Variants in NEK10 observed in about 807,000 individuals in gnomAD.
NEK10 encodes the protein NIMA related kinase 10.
In NEK10, 122 loss-of-function variants were observed where a neutral mutation model predicts 159.8. The ratio of observed to expected loss-of-function variants is 0.76; its 90% CI spans 0.66 to 0.89. The LOEUF is 0.89. Among genes scored for constraint, NEK10 ranks in the 40% least tolerant of loss-of-function variants. NEK10 has a pLI of 0.00. For missense variants in NEK10, 1,342 were observed against 1,323.1 expected (o/e 1.01, Z -0.22); for synonymous variants, 466 against 457.1 (o/e 1.02, Z -0.25).
chr3:27,171,965 A>T lies in NEK10; in HGVS notation c.2777-92T>A, dbSNP rs553183651. On this transcript the variant is annotated intron_variant, in intron 28 of 35. Coordinates refer to ENST00000691995, the MANE Select transcript of NEK10 (RefSeq NM_001394966.1). ...AATAAAACAATACTGAACAACAAAT[A>T]CTGGTGAAGATGCAGAGAAAAGGGA... 5.1e-5 allele frequency: 67 copies of T among 1,319,196 alleles called. 2 individuals are homozygous for T. The South Asian group carries it at 8.8e-4, about 17-fold the overall frequency. 81.7% of individuals were successfully genotyped at this position (1,319,196 alleles called of 1,614,324 possible). A position where few individuals can be genotyped will look rare whatever the true frequency, so the allele number is the denominator to read the frequency against.
At chr3:27,308,821 G>A (rs2044447779) in intron 10 of NEK10, 105 bp downstream of exon 10, 1 of 476,616 alleles carries the variant, frequency 2.1e-6, no homozygotes, top group Non-Finnish European at 3.8e-6. Flanking sequence ...TATTTATCAA[G>A]AAATTGTATT....
At chr3:27,310,721 G>C (rs889935597) in intron 9 of NEK10, 1 of 396,536 alleles carries the variant, frequency 2.5e-6, no homozygotes. Flanking sequence ...AAATGGCATA[G>C]GAAAAAAAAG....
intron 26 of NEK10, among the ~76,000 whole-genome samples, chr3:27,181,197 T>A (rs1948065812): frequency 1.3e-5 from 2 of 152,136 alleles, no homozygotes; most frequent in Admixed American, 1.3e-4. Context: ...CTTTTAACTT[T>A]CTAAAAACTT....
At chr3:27,271,871 A>C (rs2041389828) in intron 22 of NEK10, among the ~76,000 whole-genome samples, 2 of 152,160 alleles carry the variant, frequency 1.3e-5, no homozygotes, top group Non-Finnish European at 2.9e-5. Flanking sequence ...AATAGGATCC[A>C]AAGAAATTCT....
intron 5 of NEK10, among the ~76,000 whole-genome samples, chr3:27,328,208 A>G (rs573658419): frequency 6.6e-6 from 1 of 152,316 alleles, no homozygotes; most frequent in East Asian, 1.9e-4. Context: ...TATACTCATC[A>G]CCTGTGATCA....
intron 22 of NEK10, among the ~76,000 whole-genome samples, chr3:27,278,070 T>A (rs1055584492): frequency 1.3e-5 from 2 of 152,242 alleles, no homozygotes; most frequent in Middle Eastern, 3.2e-3. Flanking sequence ...TCATGTATTC[T>A]TCCTTTTTCA....
Position 27,243,830 on chromosome 3 carries a change from GGTGTGTGTGTGTGT to G in NEK10, c.2090+12452_2090+12465del, listed in dbSNP as rs56720203. On this transcript the variant is annotated intron_variant, in intron 23 of 35. Transcript: ENST00000691995. ...TCTTCTACACTTGACTGACACCATG[GGTGTGTGTGTGTGT>G]GTGTGTGTGTGTGTGTGTGTCTGTG... 7.4e-5 allele frequency among the ~76,000 whole-genome samples: 11 copies of G among 148,382 alleles called. No homozygotes were observed. In the South Asian group the frequency reaches 1.1e-3, roughly 15 times the overall value.
rs1276901785 is a variant in NEK10 at position 27,192,201 on chromosome 3, T to C, written c.2333A>G (p.Glu778Gly). 1.2e-6 allele frequency: 2 copies of C among 1,614,054 alleles called. No homozygotes were observed. The highest frequency in any genetic ancestry group is 2.7e-5 in the African/African-American group (2 of 74,926). The change falls in exon 26 of 36, where the codon GAA becomes GGA. Residue 778 changes from glutamate to glycine, a missense_variant. Coordinates refer to ENST00000691995, the MANE Select transcript of NEK10 (RefSeq NM_001394966.1). Reference protein sequence around the residue: ...PDAEARPDIVEVSSMISDVMM... With the variant: ...PDAEARPDIVGVSSMISDVMM... ...GACATCTGATATCATCGAACTGACT[T>C]CTACAATATCTGGACGAGCTTCCGC...
In NEK10 at chr3:27,322,246, T is replaced by G; in HGVS notation, c.378A>C (p.Arg126=). ...CTCTCAGAAAATGAATAGATGGGGC[T>G]CGATTAACCCACTCTCTGAAAGAAG... ...NRLISREWVN[R]APSIHFLRVL... is the part of the protein sequence containing the mutation. The change falls in exon 6 of 36, where the codon CGA becomes CGC. Residue 126 remains arginine, a synonymous_variant. Transcript: ENST00000691995. 4 of 1,546,926 alleles carry G rather than the reference T, an allele frequency of 2.6e-6. No homozygotes were observed. The highest frequency in any genetic ancestry group is 3.5e-6 in the Non-Finnish European group (4 of 1,138,266).
intron 23 of NEK10, among the ~76,000 whole-genome samples, chr3:27,242,968 C>A (rs1031533077): frequency 6.6e-6 from 1 of 152,082 alleles, no homozygotes; most frequent in African/African-American, 2.4e-5. Context: ...ATTTTAAAAT[C>A]TTTATTTTGA....
At chr3:27,149,573 C>T (rs1944628885) in intron 30 of NEK10, among the ~76,000 whole-genome samples, 1 of 152,072 alleles carries the variant, frequency 6.6e-6, no homozygotes, top group African/African-American at 2.4e-5. Context: ...TGTTTTGGGG[C>T]ACCACAAACT....
In NEK10 at chr3:27,346,162, C is replaced by T. The variant is rs1049804439; in HGVS notation, c.187G>A (p.Ala63Thr). ...AQNSMTKSEP[A>T]IRAGGHRARG... Reference sequence around the variant, plus strand: ...GCTCTGTGTCCACCCGCCCTGATGGCGGGCTCAGACTTCGTCATGCTATTT... The same window carrying T: ...GCTCTGTGTCCACCCGCCCTGATGGTGGGCTCAGACTTCGTCATGCTATTT... Residue 63 changes from alanine (A) to threonine (T), a missense_variant, in exon 4 of 36, where the codon GCC (alanine) becomes ACC (threonine). Ala to Thr is a moderately conservative substitution (Grantham distance 58, BLOSUM62 0). Transcript: ENST00000691995. The T allele has an allele frequency of 3.7e-6, 6 of 1,613,510 alleles. No individual in the cohort carries two copies. The highest frequency in any genetic ancestry group is 1.7e-5 in the Admixed American group (1 of 59,962).
chr3:27,234,452 A>G (rs1037459521), intron 23 of NEK10, among the ~76,000 whole-genome samples: 3 of 152,170 alleles, frequency 2.0e-5, no homozygotes, highest in Non-Finnish European at 2.9e-5. Context: ...AATCACTAGC[A>G]TTCCTATACA....
At chr3:27,169,156 T>C (rs374918263) in intron 29 of NEK10, among the ~76,000 whole-genome samples, 21 of 152,348 alleles carry the variant, frequency 1.4e-4, no homozygotes, top group African/African-American at 5.1e-4. Flanking sequence ...ATTGTCATTT[T>C]AACATAAAAC....
rs138972146 is a variant in NEK10, at chr3:27,138,100, C to T, written c.2970+3382G>A. ...GGCTCCAGTGATGCTCCTGCGTTGCCTTGCTGCGGCAGCTCATAGCAAACA... is the reference window on the plus strand; with the variant it reads ...GGCTCCAGTGATGCTCCTGCGTTGCTTTGCTGCGGCAGCTCATAGCAAACA... On this transcript the variant is annotated intron_variant, in intron 31 of 35. Coordinates refer to ENST00000691995, the MANE Select transcript of NEK10 (RefSeq NM_001394966.1). 3.9e-4 allele frequency among the ~76,000 whole-genome samples: 59 copies of T among 152,300 alleles called. 1 individual carries two copies. Among genetic ancestry groups the T allele is most frequent in the African/African-American group, 1.4e-3 (59 of 41,562 alleles).
chr3:27,221,079 T>A (rs1231656712), intron 23 of NEK10, among the ~76,000 whole-genome samples: 1 of 152,140 alleles, frequency 6.6e-6, no homozygotes, highest in African/African-American at 2.4e-5. Flanking sequence ...TGGAAGAAAA[T>A]ATAGGTGTAA....
intron 24 of NEK10, 53 bp downstream of exon 24, chr3:27,202,375 A>T: frequency 6.5e-7 from 1 of 1,527,800 alleles, no homozygotes; most frequent in East Asian, 2.3e-5. Flanking sequence ...TAATAAGAAA[A>T]AGAATTGCAT....
intron 7 of NEK10, among the ~76,000 whole-genome samples, chr3:27,312,438 A>T (rs2044773263): frequency 6.6e-6 from 1 of 152,092 alleles, no homozygotes; most frequent in Admixed American, 6.6e-5. Flanking sequence ...TCTCAAAATG[A>T]CTCTTAACTA....
chr3:27,178,295 A>G (rs1947730510), intron 26 of NEK10, among the ~76,000 whole-genome samples: 1 of 152,242 alleles, frequency 6.6e-6, no homozygotes, highest in African/African-American at 2.4e-5. Flanking sequence ...AATTAAGGGC[A>G]TCTATTTTAT....
Sources: gnomAD v4.1 joint callset for allele counts (sites outside exome capture counted in the v4.1 genomes callset) on GRCh38, gnomAD v4.1.1 for gene constraint, MANE v1.5 for transcripts, NCBI Gene and HGNC (gene_info 2026-07-23, HGNC 2026-07-21) for gene names.